CCDC85A: variants seen among roughly 807,000 people sequenced by gnomAD.
The protein encoded by CCDC85A is coiled-coil domain containing 85A.
A neutral mutation model predicts 50.2 loss-of-function variants in CCDC85A; 38 were observed. The ratio of observed to expected loss-of-function variants is 0.76; its 90% CI spans 0.58 to 0.99. The LOEUF is 0.99. CCDC85A is among the 50% of genes least tolerant of loss of function. The probability of loss-of-function intolerance (pLI) is 0.00; values close to 1 mark genes in which losing one functional copy is unlikely to be tolerated. For synonymous variants in CCDC85A, 366 were observed against 301.4 expected, an observed-to-expected ratio of 1.21 and a Z score of -2.22; for missense variants, 820 against 742.0, an observed-to-expected ratio of 1.11 and a Z score of -1.22.
intron 2 of CCDC85A, among the ~76,000 whole-genome samples, chr2:56,319,100 A>G (rs560848789): frequency 2.0e-5 from 3 of 152,144 alleles, no homozygotes; most frequent in African/African-American, 7.2e-5. Context: ...GGTGATATCA[A>G]AACTGTAGTT....
At chr2:56,262,315 C>A (rs1051785353) in intron 2 of CCDC85A, among the ~76,000 whole-genome samples, 1 of 152,062 alleles carries the variant, frequency 6.6e-6, no homozygotes, top group Non-Finnish European at 1.5e-5. Context: ...AGGAGTGCAT[C>A]AGATGTTCTG....
chr2:56,329,211 G>A (rs139539681), intron 2 of CCDC85A, among the ~76,000 whole-genome samples: 168 of 152,206 alleles, frequency 1.1e-3, no homozygotes, highest in Non-Finnish European at 1.7e-3. Context: ...TATTCTTGCC[G>A]CTTGGAAAGC....
At chr2:56,371,451 C>A (rs752842696) in intron 3 of CCDC85A, among the ~76,000 whole-genome samples, 2 of 151,964 alleles carry the variant, frequency 1.3e-5, no homozygotes, top group African/African-American at 4.8e-5. Flanking sequence ...TAAAGTCAAC[C>A]TCAACATTTA....
intron 2 of CCDC85A, among the ~76,000 whole-genome samples, chr2:56,342,050 C>G (rs1674399029): frequency 6.6e-6 from 1 of 150,890 alleles, no homozygotes; most frequent in East Asian, 1.9e-4. Context: ...ACAAAATAGT[C>G]TTGTATATGT....
At position 56,320,712 on chromosome 2, in the gene CCDC85A, C is replaced by T. The variant is rs142451410; in HGVS notation, c.1241-22167C>T. Among the ~76,000 whole-genome samples, 50 of 152,194 alleles carry T rather than the reference C, an allele frequency of 3.3e-4. No homozygotes were observed. In the East Asian group the frequency reaches 6.8e-3, roughly 21 times the overall value. On this transcript the variant is annotated intron_variant, in intron 2 of 5. Transcript: ENST00000407595. The stretch of plus-strand genomic sequence containing the variant: ...TCACAGCTGAATTCTACCAGAGGTA[C>T]GAGGAGGAGCTGGTTCCATTCCTTC...
chr2:56,292,619 C>T (rs1671766819), intron 2 of CCDC85A, among the ~76,000 whole-genome samples: 1 of 152,138 alleles, frequency 6.6e-6, no homozygotes, highest in African/African-American at 2.4e-5. Context: ...CTCGTACCTG[C>T]CTCTCACCTA....
intron 2 of CCDC85A, among the ~76,000 whole-genome samples, chr2:56,320,572 C>T (rs1249645079): frequency 6.6e-6 from 1 of 152,118 alleles, no homozygotes; most frequent in Non-Finnish European, 1.5e-5. Flanking sequence ...AACATACACC[C>T]TCCCAAGACT....
Position 56,267,198 on chromosome 2 carries a change from C to T in CCDC85A, c.1240+73758C>T, listed in dbSNP as rs1670488747. On this transcript the variant is annotated intron_variant, in intron 2 of 5. Coordinates refer to ENST00000407595, the MANE Select transcript of CCDC85A (RefSeq NM_001080433.2). ...CTAAAAATAGCAATTAACTCCTCCT[C>T]TTCCACCCCCCAGACCCCACGCTCT... 2.6e-5 allele frequency among the ~76,000 whole-genome samples: 4 copies of T among 152,176 alleles called. No homozygotes were observed. In the South Asian group the frequency reaches 8.3e-4, roughly 31 times the overall value.
chr2:56,235,978 C>G (rs556609526), intron 2 of CCDC85A, among the ~76,000 whole-genome samples: 2 of 151,910 alleles, frequency 1.3e-5, no homozygotes, highest in African/African-American at 2.4e-5. Context: ...AAGCCACCAA[C>G]TAGCAAGGGA....
intron 2 of CCDC85A, among the ~76,000 whole-genome samples, chr2:56,338,639 A>T (rs1255310072): frequency 6.6e-6 from 1 of 152,126 alleles, no homozygotes; most frequent in African/African-American, 2.4e-5. Context: ...CTTACATTTT[A>T]AAAAATTTAA....
At chr2:56,300,275 C>G (rs1488935516) in intron 2 of CCDC85A, among the ~76,000 whole-genome samples, 1 of 152,162 alleles carries the variant, frequency 6.6e-6, no homozygotes, top group Non-Finnish European at 1.5e-5. Context: ...GGGTAAATAC[C>G]ATGTATCATG....
intron 2 of CCDC85A, among the ~76,000 whole-genome samples, chr2:56,228,685 C>T (rs1189204657): frequency 6.6e-6 from 1 of 151,894 alleles, no homozygotes; most frequent in Non-Finnish European, 1.5e-5. Context: ...GGGGCCCACC[C>T]CCATGCCTGG....
chr2:56,263,988 A>C (rs928102052), intron 2 of CCDC85A, among the ~76,000 whole-genome samples: 1 of 152,180 alleles, frequency 6.6e-6, no homozygotes, highest in African/African-American at 2.4e-5. Flanking sequence ...CGCTAACACT[A>C]ATGATAGCTG....
At chr2:56,187,601 G>A (rs147206619) in intron 1 of CCDC85A, among the ~76,000 whole-genome samples, 1 of 152,306 alleles carries the variant, frequency 6.6e-6, no homozygotes, top group African/African-American at 2.4e-5. Context: ...TTCCACATGA[G>A]GTTTTATGAG....
chr2:56,261,929 A>C (rs184692679), intron 2 of CCDC85A, among the ~76,000 whole-genome samples: 1 of 152,152 alleles, frequency 6.6e-6, no homozygotes, highest in South Asian at 2.1e-4. Context: ...CTCTTCCTCA[A>C]CCACCTTCTT....
At chr2:56,223,593 C>CT (rs958960992) in intron 2 of CCDC85A, among the ~76,000 whole-genome samples, 1 of 152,180 alleles carries the variant, frequency 6.6e-6, no homozygotes, top group Non-Finnish European at 1.5e-5. Flanking sequence ...AGGTCAGTTA[C>CT]TTGTGTCAAA....
chr2:56,292,695 A>C (rs1259829574), intron 2 of CCDC85A, among the ~76,000 whole-genome samples: 3 of 152,216 alleles, frequency 2.0e-5, no homozygotes, highest in Admixed American at 2.0e-4. Context: ...ACACTGGGAC[A>C]TGAGACCCCT....
chr2:56,266,151 A>T (rs1030020640), intron 2 of CCDC85A, among the ~76,000 whole-genome samples: 1 of 152,350 alleles, frequency 6.6e-6, no homozygotes, highest in Admixed American at 6.5e-5. Context: ...GAGTTGCAGG[A>T]TATGGGTGGG....
At chr2:56,285,976 T>C (rs1573176900) in intron 2 of CCDC85A, among the ~76,000 whole-genome samples, 1 of 152,146 alleles carries the variant, frequency 6.6e-6, no homozygotes, top group South Asian at 2.1e-4. Context: ...AGGATATATT[T>C]ATTGGGTATA....
Sources: gnomAD v4.1 joint callset for allele counts (sites outside exome capture counted in the v4.1 genomes callset) on GRCh38, gnomAD v4.1.1 for gene constraint, MANE v1.5 for transcripts, NCBI Gene and HGNC (gene_info 2026-07-23, HGNC 2026-07-21) for gene names.